The following BTLA variants were observed in gnomAD, a reference collection of about 807,000 sequenced individuals.
BTLA encodes B and T lymphocyte associated.
Under a neutral mutation model 25.0 loss-of-function variants are expected in BTLA, and 11 were observed. The ratio of observed to expected loss-of-function variants is 0.44; its 90% CI spans 0.28 to 0.73. The LOEUF (loss-of-function observed/expected upper bound fraction) is 0.73, where lower values mean the gene tolerates loss of function less well. Among genes scored for constraint, BTLA ranks in the 30% least tolerant of loss-of-function variants. The pLI is 0.15. For synonymous variants in BTLA, 104 were observed against 119.8 expected, an observed-to-expected ratio of 0.87 and a Z score of 0.86; for missense variants, 282 against 332.8, an observed-to-expected ratio of 0.85 and a Z score of 1.19.
At chr3:112,467,675 A>C (rs2082237634) in intron 4 of BTLA, among the ~76,000 whole-genome samples, 1 of 152,228 alleles carries the variant, frequency 6.6e-6, no homozygotes, top group African/African-American at 2.4e-5. Flanking sequence ...TTCCTGATAC[A>C]GTGCCACCCT....
intron 1 of BTLA, among the ~76,000 whole-genome samples, chr3:112,498,568 CTTTTTTTTTTTTT>C (rs34606026): frequency 1.2e-5 from 1 of 83,880 alleles, no homozygotes; most frequent in Non-Finnish European, 2.2e-5. Context: ...AAGAAATTGC[CTTTTTTTTTTTTT>C]TTTTTTTTTT....
chr3:112,472,241 A>C (rs2082266505), intron 2 of BTLA, among the ~76,000 whole-genome samples: 1 of 152,196 alleles, frequency 6.6e-6, no homozygotes, highest in Admixed American at 6.5e-5. Flanking sequence ...TCCAGACCAA[A>C]GTGTCAATGG....
At chr3:112,494,344 TA>T (rs2082397376) in intron 1 of BTLA, among the ~76,000 whole-genome samples, 1 of 152,178 alleles carries the variant, frequency 6.6e-6, no homozygotes, top group Non-Finnish European at 1.5e-5. Flanking sequence ...TGGAAGACAG[TA>T]TGGCAATTCC....
chr3:112,483,081 C>T (rs1410905298), intron 1 of BTLA, among the ~76,000 whole-genome samples: 1 of 149,750 alleles, frequency 6.7e-6, no homozygotes, highest in Non-Finnish European at 1.5e-5. Flanking sequence ...CTTTTACCCT[C>T]AAAGAGTTTA....
At chr3:112,468,835 A>G (rs1050166110) in intron 4 of BTLA, among the ~76,000 whole-genome samples, 2 of 152,204 alleles carry the variant, frequency 1.3e-5, no homozygotes, top group African/African-American at 4.8e-5. Context: ...AAGTTTGTCA[A>G]GTTGAGTGTA....
chr3:112,468,072 G>A (rs2107307104), intron 4 of BTLA, among the ~76,000 whole-genome samples: 1 of 152,328 alleles, frequency 6.6e-6, no homozygotes, highest in African/African-American at 2.4e-5. Context: ...CAATGTGGTG[G>A]ATAGAGATGA....
chr3:112,479,370 AC>A, intron 2 of BTLA, 84 bp downstream of exon 2: 1 of 1,352,108 alleles, frequency 7.4e-7, no homozygotes, highest in South Asian at 1.4e-5. Flanking sequence ...TGGCTTTCTA[AC>A]ATAATCACTT....
chr3:112,499,422 G>A lies in BTLA; in HGVS notation c.-64C>T. The stretch of plus-strand genomic sequence containing the variant: ...GAAGGCTTTGCTTCGTCTTCTGAGT[G>A]CTGCAGAGTTGGGTCAGTTTACCTA... On this transcript the variant is annotated 5_prime_UTR_variant, in exon 1 of 5. Coordinates refer to ENST00000334529, the MANE Select transcript of BTLA (RefSeq NM_181780.4). 7.0e-7 allele frequency: 1 copy of A among 1,436,460 alleles called. No individual in the cohort carries two copies. Among genetic ancestry groups the A allele is most frequent in the South Asian group, 1.2e-5 (1 of 80,760 alleles). The allele number at this position is 1,436,460 out of a possible 1,614,324, so 89.0% of individuals were successfully genotyped here.
rs570533860 is a variant in BTLA, at chr3:112,464,740, TATA to T, written c.*1365_*1367del. On this transcript the variant is annotated 3_prime_UTR_variant, in exon 5 of 5. Coordinates refer to ENST00000334529, the MANE Select transcript of BTLA (RefSeq NM_181780.4). ...TTGAGCTTCATAAGCAAACTGAAAA[TATA>T]ATGTCAATTTGATCAGTTTCTCGTG... 2.0e-5 allele frequency: 3 copies of T among 152,096 alleles called. No homozygotes were observed. Among genetic ancestry groups the T allele is most frequent in the Admixed American group, 6.6e-5 (1 of 15,254 alleles). The allele number at this position is 152,096 out of a possible 1,614,324, so 9.4% of individuals were successfully genotyped here.
At chr3:112,474,330 C>T (rs1449787150) in intron 2 of BTLA, among the ~76,000 whole-genome samples, 1 of 152,082 alleles carries the variant, frequency 6.6e-6, no homozygotes, top group African/African-American at 2.4e-5. Context: ...GTTCACTGAG[C>T]ACTTTCAGGT....
intron 1 of BTLA, among the ~76,000 whole-genome samples, chr3:112,498,420 C>T (rs1006290597): frequency 6.6e-6 from 1 of 151,598 alleles, no homozygotes. Flanking sequence ...GTGACGAGAG[C>T]AAAACTCTTG....
In BTLA at chr3:112,469,607, GTATATATATATATATATATATATATA is replaced by G. The variant is rs60258722; in HGVS notation, c.594+125_594+150del. On this transcript the variant is annotated intron_variant, in intron 4 of 4. Coordinates refer to ENST00000334529, the MANE Select transcript of BTLA (RefSeq NM_181780.4). ...TTCACATTTTTAAAAATGGGTCTAT[GTATATATATATATATATATATATATA>G]TATATATATATATATAGTACATAGA... is the stretch of plus-strand genomic sequence containing the variant. 5.1e-4 allele frequency: 30 copies of G among 58,446 alleles called. 2 individuals carry two copies. Among genetic ancestry groups the G allele is most frequent in the South Asian group, 1.5e-3 (2 of 1,296 alleles). 3.6% of individuals were successfully genotyped at this position (58,446 alleles called of 1,614,324 possible). A position where few individuals can be genotyped will look rare whatever the true frequency, so the allele number is the denominator to read the frequency against.
chr3:112,483,569 A>G (rs1300145852), intron 1 of BTLA, among the ~76,000 whole-genome samples: 1 of 152,184 alleles, frequency 6.6e-6, no homozygotes, highest in Non-Finnish European at 1.5e-5. Flanking sequence ...GTTGTTAGGA[A>G]GCCTAGGAAT....
intron 2 of BTLA, among the ~76,000 whole-genome samples, chr3:112,476,402 T>A (rs1177378989): frequency 6.6e-6 from 1 of 152,138 alleles, no homozygotes; most frequent in African/African-American, 2.4e-5. Context: ...TTTAAGGGAG[T>A]TGAAAGACAC....
chr3:112,481,950 T>C (rs555060686), intron 1 of BTLA, among the ~76,000 whole-genome samples: 152 of 152,350 alleles, frequency 1.0e-3, no homozygotes, highest in African/African-American at 3.3e-3. Context: ...TCTTAATTTC[T>C]GCTTTCCGTA....
intron 2 of BTLA, among the ~76,000 whole-genome samples, chr3:112,476,170 A>G (rs977076843): frequency 1.3e-5 from 2 of 152,330 alleles, no homozygotes; most frequent in Non-Finnish European, 2.9e-5. Context: ...AGAGGTTTAT[A>G]AGCCAGTGCA....
chr3:112,478,800 C>A (rs748327026), intron 2 of BTLA, among the ~76,000 whole-genome samples: 15 of 152,100 alleles, frequency 9.9e-5, no homozygotes, highest in African/African-American at 1.7e-4. Flanking sequence ...CTACTCCCCC[C>A]CTATGTATTT....
intron 2 of BTLA, among the ~76,000 whole-genome samples, chr3:112,477,453 T>G (rs1179376787): frequency 2.6e-5 from 4 of 152,076 alleles, no homozygotes; most frequent in Non-Finnish European, 4.4e-5. Flanking sequence ...CATTGAGCAT[T>G]TTTTTCATAT....
chr3:112,488,288 C>T (rs188888141), intron 1 of BTLA, among the ~76,000 whole-genome samples: 180 of 135,802 alleles, frequency 1.3e-3, no homozygotes, highest in East Asian at 5.9e-3. Context: ...AGTGCAGTGG[C>T]GCAATCTCCG....
Sources: gnomAD v4.1 joint callset for allele counts (sites outside exome capture counted in the v4.1 genomes callset) on GRCh38, gnomAD v4.1.1 for gene constraint, MANE v1.5 for transcripts, NCBI Gene and HGNC (gene_info 2026-07-23, HGNC 2026-07-21) for gene names.